DLG2: variants seen among roughly 807,000 people sequenced by gnomAD.
DLG2 encodes the protein disks large homolog 2.
Under a neutral mutation model 132.5 loss-of-function variants are expected in DLG2, and 45 were observed. That is an observed-to-expected ratio of 0.34 (90% CI 0.27 to 0.44). The LOEUF (loss-of-function observed/expected upper bound fraction) is 0.44. Ranked by LOEUF, DLG2 falls within the 20% of genes least tolerant of loss-of-function variation. The pLI, the probability that DLG2 is intolerant of heterozygous loss-of-function variation, is 1.00. For synonymous variants in DLG2, 424 were observed against 419.6 expected, an observed-to-expected ratio of 1.01 and a Z score of -0.13; for missense variants, 1,045 against 1,196.9, an observed-to-expected ratio of 0.87 and a Z score of 1.87.
chr11:84,181,846 T>C (rs1171832902), intron 8 of DLG2, among the ~76,000 whole-genome samples: 1 of 152,186 alleles, frequency 6.6e-6, no homozygotes, highest in Non-Finnish European at 1.5e-5. Context: ...CCTTAATATG[T>C]ATGGGCTGAA....
At chr11:84,917,223 C>T (rs894907631) in intron 6 of DLG2, among the ~76,000 whole-genome samples, 18 of 152,152 alleles carry the variant, frequency 1.2e-4, no homozygotes, top group African/African-American at 2.2e-4. Context: ...GAAGGATGAA[C>T]GCAGAATACA....
intron 19 of DLG2, among the ~76,000 whole-genome samples, chr11:83,582,183 C>T (rs990439581): frequency 2.6e-5 from 4 of 151,754 alleles, no homozygotes; most frequent in Non-Finnish European, 4.4e-5. Context: ...CTCAAACTCC[C>T]GACCTCAGAT....
At chr11:84,201,099 T>C (rs963090036) in intron 8 of DLG2, among the ~76,000 whole-genome samples, 2 of 152,188 alleles carry the variant, frequency 1.3e-5, no homozygotes, top group African/African-American at 4.8e-5. Context: ...ATATGGCTCT[T>C]ATTATTTTGA....
At chr11:84,369,155 A>G (rs867561416) in intron 7 of DLG2, among the ~76,000 whole-genome samples, 3 of 152,192 alleles carry the variant, frequency 2.0e-5, no homozygotes, top group South Asian at 4.1e-4. Flanking sequence ...TATAACTTAG[A>G]TAAGTTTATT....
chr11:85,599,115 A>G (rs986954753), intron 2 of DLG2, among the ~76,000 whole-genome samples: 1 of 152,144 alleles, frequency 6.6e-6, no homozygotes, highest in Non-Finnish European at 1.5e-5. Context: ...CCTGCAAAAT[A>G]ATATCCAACT....
intron 18 of DLG2, among the ~76,000 whole-genome samples, chr11:83,680,539 G>A (rs1415083491): frequency 6.6e-6 from 1 of 152,008 alleles, no homozygotes; most frequent in Non-Finnish European, 1.5e-5. Context: ...CCAAACATAA[G>A]ACATTTTACA....
intron 6 of DLG2, among the ~76,000 whole-genome samples, chr11:84,755,393 C>T (rs1326093735): frequency 1.3e-5 from 2 of 151,398 alleles, no homozygotes; most frequent in Non-Finnish European, 2.9e-5. Context: ...GACACTTCAT[C>T]TCATAGTCAA....
At chr11:84,138,703 C>T (rs1457547931) in intron 9 of DLG2, among the ~76,000 whole-genome samples, 1 of 152,166 alleles carries the variant, frequency 6.6e-6, no homozygotes, top group African/African-American at 2.4e-5. Context: ...AATCCCAGAA[C>T]TTCGGGAGTC....
intron 2 of DLG2, among the ~76,000 whole-genome samples, chr11:85,609,115 C>T (rs1238789310): frequency 2.0e-5 from 3 of 152,122 alleles, no homozygotes; most frequent in Non-Finnish European, 2.9e-5. Flanking sequence ...TAGGAAAAAG[C>T]CCATGAATTA....
chr11:83,979,186 G>A (rs1384042289), intron 12 of DLG2, among the ~76,000 whole-genome samples: 1 of 152,040 alleles, frequency 6.6e-6, no homozygotes, highest in East Asian at 1.9e-4. Flanking sequence ...TTAGACCACT[G>A]CGATTAAACA....
chr11:83,480,401 GAAGAAACATGTTCTGC>G (rs2093007331), intron 22 of DLG2: 1 of 1,535,352 alleles, frequency 6.5e-7, no homozygotes, highest in Admixed American at 2.0e-5. Context: ...GCTGGCATTA[GAAGAAACATGTTCTGC>G]AAGAACAGCA....
chr11:84,864,258 G>T (rs1478975434), intron 6 of DLG2, among the ~76,000 whole-genome samples: 1 of 152,082 alleles, frequency 6.6e-6, no homozygotes, highest in Non-Finnish European at 1.5e-5. Flanking sequence ...TTCTGACCAG[G>T]CAAGAATTTA....
chr11:84,576,743 T>C (rs1050782014), intron 6 of DLG2, among the ~76,000 whole-genome samples: 5 of 152,194 alleles, frequency 3.3e-5, no homozygotes, highest in Admixed American at 3.3e-4. Context: ...TATTAGGTAG[T>C]TTATTTCTGC....
At chr11:84,055,696 A>G (rs1006715835) in intron 11 of DLG2, among the ~76,000 whole-genome samples, 2 of 152,112 alleles carry the variant, frequency 1.3e-5, no homozygotes, top group Admixed American at 6.6e-5. Flanking sequence ...CTTAAGTGAC[A>G]CTTGCTTACA....
At chr11:83,755,667 G>A (rs2093615110) in intron 18 of DLG2, among the ~76,000 whole-genome samples, 1 of 151,286 alleles carries the variant, frequency 6.6e-6, no homozygotes, top group African/African-American at 2.5e-5. Context: ...TAATAAATAT[G>A]TAAGAGGACA....
chr11:84,260,946 T>C (rs990376897), intron 7 of DLG2, among the ~76,000 whole-genome samples: 2 of 152,220 alleles, frequency 1.3e-5, no homozygotes, highest in Non-Finnish European at 2.9e-5. Flanking sequence ...GTTTAGTCAA[T>C]GTGCCCCATG....
chr11:85,138,063 T>G (rs1390225861), intron 5 of DLG2, among the ~76,000 whole-genome samples: 1 of 152,114 alleles, frequency 6.6e-6, no homozygotes, highest in Non-Finnish European at 1.5e-5. Flanking sequence ...AAGCAAAATT[T>G]TGAGTGAACC....
intron 17 of DLG2, among the ~76,000 whole-genome samples, chr11:83,817,153 C>G (rs1011479037): frequency 4.6e-5 from 7 of 152,210 alleles, no homozygotes; most frequent in African/African-American, 1.7e-4. Flanking sequence ...AAATGGAGTA[C>G]TAAACATGTC....
intron 3 of DLG2, among the ~76,000 whole-genome samples, chr11:85,469,107 T>G (rs1360476273): frequency 6.6e-6 from 1 of 152,218 alleles, no homozygotes; most frequent in East Asian, 1.9e-4. Context: ...ACCATGAAAG[T>G]ATTATCACTG....
Sources: gnomAD v4.1 joint callset for allele counts (sites outside exome capture counted in the v4.1 genomes callset) on GRCh38, gnomAD v4.1.1 for gene constraint, MANE v1.5 for transcripts, NCBI Gene and HGNC (gene_info 2026-07-23, HGNC 2026-07-21) for gene names.